Variants in KANK1 observed in about 807,000 individuals in gnomAD.
KANK1 encodes KN motif and ankyrin repeat domains 1.
Under a neutral mutation model 106.2 loss-of-function variants are expected in KANK1, and 109 were observed. That is an observed-to-expected ratio of 1.03 (90% CI 0.88 to 1.20). The LOEUF is 1.20. Among genes scored for constraint, KANK1 ranks in the 50% most tolerant of loss-of-function variants. The probability of loss-of-function intolerance (pLI) is 0.00; values close to 1 mark genes in which losing one functional copy is unlikely to be tolerated. For missense variants in KANK1, 2,399 were observed against 1,710.7 expected (o/e 1.40, Z -7.10); for synonymous variants, 873 against 652.2 (o/e 1.34, Z -5.16).
chr9:670,094 T>C (rs1415950270), intron 1 of KANK1, among the ~76,000 whole-genome samples: 3 of 152,188 alleles, frequency 2.0e-5, no homozygotes, highest in Non-Finnish European at 4.4e-5. Context: ...CTTCAATCTC[T>C]GTTAAATTCC....
At chr9:586,869 C>T (rs1419314424) in intron 1 of KANK1, among the ~76,000 whole-genome samples, 1 of 152,144 alleles carries the variant, frequency 6.6e-6, no homozygotes, top group East Asian at 1.9e-4. Context: ...CCCTGCACCC[C>T]CAGCAGGAAA....
At chr9:697,471 A>AT (rs1821601635) in intron 2 of KANK1, among the ~76,000 whole-genome samples, 1 of 152,136 alleles carries the variant, frequency 6.6e-6, no homozygotes, top group Non-Finnish European at 1.5e-5. Flanking sequence ...AAGGATAGTA[A>AT]TTGAGAAGTT....
intron 7 of KANK1, among the ~76,000 whole-genome samples, chr9:737,717 G>T (rs10758856): frequency 6.6e-6 from 1 of 151,994 alleles, no homozygotes; most frequent in African/African-American, 2.4e-5. Flanking sequence ...ATACACGTAC[G>T]GTCTCCCAAC....
intron 1 of KANK1, among the ~76,000 whole-genome samples, chr9:586,244 G>A (rs1005794588): frequency 6.6e-6 from 1 of 152,224 alleles, no homozygotes; most frequent in Non-Finnish European, 1.5e-5. Context: ...AAAGCACAGT[G>A]AGGATGGAGA....
chr9:543,995 C>G (rs1414614664), intron 1 of KANK1, among the ~76,000 whole-genome samples: 1 of 151,822 alleles, frequency 6.6e-6, no homozygotes, highest in Non-Finnish European at 1.5e-5. Context: ...TATAACATTT[C>G]ATGTTCTATT....
At chr9:695,462 C>G (rs1228335188) in intron 2 of KANK1, among the ~76,000 whole-genome samples, 2 of 64,756 alleles carry the variant, frequency 3.1e-5, no homozygotes, top group East Asian at 7.2e-4. Context: ...CCAAGCAGTG[C>G]GTGTGCACAC....
chr9:599,611 T>G (rs1032776640), intron 1 of KANK1, among the ~76,000 whole-genome samples: 1 of 151,912 alleles, frequency 6.6e-6, no homozygotes, highest in Non-Finnish European at 1.5e-5. Context: ...CATACTGATA[T>G]GCTACGTAGC....
intron 1 of KANK1, among the ~76,000 whole-genome samples, chr9:527,352 A>G (rs2059837035): frequency 6.6e-6 from 1 of 151,624 alleles, no homozygotes; most frequent in Admixed American, 6.6e-5. Flanking sequence ...CCCTGGCTGG[A>G]GTGCAGTGGC....
At chr9:681,393 T>C (rs1817526020) in intron 2 of KANK1, among the ~76,000 whole-genome samples, 3 of 152,122 alleles carry the variant, frequency 2.0e-5, no homozygotes, top group Admixed American at 2.0e-4. Flanking sequence ...GGTGTAGGGA[T>C]GAGGCAGTCT....
intron 3 of KANK1, among the ~76,000 whole-genome samples, chr9:727,409 G>A (rs568328931): frequency 5.9e-5 from 9 of 151,418 alleles, no homozygotes; most frequent in Non-Finnish European, 1.3e-4. Context: ...TCTGCCTCCC[G>A]GGTTCAAGTG....
chr9:685,111 C>T (rs997863086), intron 2 of KANK1, among the ~76,000 whole-genome samples: 5 of 152,204 alleles, frequency 3.3e-5, no homozygotes, highest in African/African-American at 1.2e-4. Context: ...CTCATTTCCA[C>T]ATGCTTTAGG....
At chr9:548,525 AAAAG>A (rs2134015131) in intron 1 of KANK1, among the ~76,000 whole-genome samples, 1 of 152,334 alleles carries the variant, frequency 6.6e-6, no homozygotes, top group Admixed American at 6.5e-5. Context: ...AATGTTTAAG[AAAAG>A]AAAGCAGACA....
At chr9:667,537 A>T (rs148857601) in intron 1 of KANK1, among the ~76,000 whole-genome samples, 1 of 151,538 alleles carries the variant, frequency 6.6e-6, no homozygotes, top group East Asian at 1.9e-4. Context: ...TAGTCTTTCA[A>T]CTTTTTTGAT....
chr9:719,403 T>A (rs997707061), intron 3 of KANK1, among the ~76,000 whole-genome samples: 2 of 152,128 alleles, frequency 1.3e-5, no homozygotes, highest in Admixed American at 6.5e-5. Context: ...TCTCAATGAG[T>A]AAGTTTAGAT....
At chr9:707,431 C>T (rs1009254044) in intron 2 of KANK1, among the ~76,000 whole-genome samples, 6 of 152,276 alleles carry the variant, frequency 3.9e-5, no homozygotes, top group Non-Finnish European at 5.9e-5. Flanking sequence ...GATCAGCCTG[C>T]CTGACAGCCA....
chr9:571,273 A>G (rs991054677), intron 1 of KANK1, among the ~76,000 whole-genome samples: 6 of 152,168 alleles, frequency 3.9e-5, no homozygotes, highest in African/African-American at 7.2e-5. Flanking sequence ...TTATGTATAA[A>G]CCAGAGGAAG....
chr9:681,994 T>C (rs915254477), intron 2 of KANK1, among the ~76,000 whole-genome samples: 10 of 152,180 alleles, frequency 6.6e-5, no homozygotes, highest in Admixed American at 4.6e-4. Context: ...TAAAATGTTA[T>C]TTAGGCTGGG....
chr9:579,216 C>G (rs2135208824), intron 1 of KANK1, among the ~76,000 whole-genome samples: 1 of 149,128 alleles, frequency 6.7e-6, no homozygotes, highest in African/African-American at 2.4e-5. Context: ...CACCCTGGGT[C>G]TGCTTCCCTC....
intron 3 of KANK1, chr9:495,635 C>T (rs1385088750): frequency 6.6e-6 from 1 of 152,184 alleles, no homozygotes; most frequent in East Asian, 1.9e-4. Flanking sequence ...GTTTTATTGA[C>T]ATCAGTGTAT....
Sources: allele counts gnomAD v4.1 joint callset (sites outside exome capture counted in the v4.1 genomes callset), GRCh38; gene constraint gnomAD v4.1.1; transcripts MANE v1.5; gene names NCBI Gene and HGNC (gene_info 2026-07-23, HGNC 2026-07-21).